Variants in PTPRD observed in about 807,000 individuals in gnomAD.
PTPRD encodes the protein receptor-type tyrosine-protein phosphatase delta.
In PTPRD, 34 loss-of-function variants were observed where a neutral mutation model predicts 214.5. The observed-to-expected ratio is 0.16, with a 90% CI of 0.12 to 0.21. The LOEUF (loss-of-function observed/expected upper bound fraction) is 0.21, where lower values mean the gene tolerates loss of function less well. Ranked by LOEUF, PTPRD falls within the 10% of genes least tolerant of loss-of-function variation. The pLI, the probability that PTPRD is intolerant of heterozygous loss-of-function variation, is 1.00. For synonymous variants in PTPRD, 1,128 were observed against 845.7 expected (o/e 1.33, Z -5.79); for missense variants, 2,545 against 2,398.7 (o/e 1.06, Z -1.27).
chr9:10,612,930 G>T lies in PTPRD; in HGVS notation c.-950C>A, dbSNP rs148992296. 6.6e-6 allele frequency among the ~76,000 whole-genome samples: 1 copy of T among 151,568 alleles called. No individual in the cohort carries two copies. The highest frequency in any genetic ancestry group is 1.5e-5 in the Non-Finnish European group (1 of 67,852). On this transcript the variant is annotated 5_prime_UTR_variant, in exon 1 of 46. Coordinates refer to ENST00000381196, the MANE Select transcript of PTPRD (RefSeq NM_002839.4). ...CCGCCGGCTGCGGGCGCGGCTGGGC[G>T]GGGAGCCGAGGCGGCCGCTCCCGCA... is the stretch of plus-strand genomic sequence containing the variant.
chr9:9,775,954 C>CAAAAAAAAA (rs59412193), intron 5 of PTPRD, among the ~76,000 whole-genome samples: 7 of 28,922 alleles, frequency 2.4e-4, no homozygotes, highest in African/African-American at 5.8e-4. Flanking sequence ...GACTCTGTCT[C>CAAAAAAAAA]AAAAAAAAAA....
In PTPRD at chr9:8,341,280, GAAAA is replaced by G; in HGVS notation, c.4948-16_4948-13del. On this transcript the variant is annotated splice_polypyrimidine_tract_variant and intron_variant, in intron 40 of 45. Transcript: ENST00000381196. ...GAGCTGGCTAGACGCTGTTGAATAG[GAAAA>G]AAAAAAAAGGAAAAACCCAACAAAG... 6 of 1,208,324 alleles carry G rather than the reference GAAAA, an allele frequency of 5.0e-6. No homozygotes were observed. Among genetic ancestry groups the G allele is most frequent in the South Asian group, 3.2e-5 (2 of 62,958 alleles). 74.9% of individuals were successfully genotyped at this position (1,208,324 alleles called of 1,614,324 possible).
At chr9:9,900,641 G>GTGTTTTTTTTTTTTTT (rs1555302232) in intron 5 of PTPRD, among the ~76,000 whole-genome samples, 15 of 120,082 alleles carry the variant, frequency 1.2e-4, no homozygotes, top group African/African-American at 4.4e-4. Context: ...ACATTTTCAG[G>GTGTTTTTTTTTTTTTT]TTTTTTTTTT....
At chr9:9,543,811 A>C (rs1195951943) in intron 8 of PTPRD, among the ~76,000 whole-genome samples, 1 of 151,700 alleles carries the variant, frequency 6.6e-6, no homozygotes, top group Non-Finnish European at 1.5e-5. Context: ...AAAGGTTATT[A>C]AAACATGAAA....
At chr9:9,810,935 G>C (rs574334932) in intron 5 of PTPRD, among the ~76,000 whole-genome samples, 6 of 151,784 alleles carry the variant, frequency 4.0e-5, no homozygotes, top group African/African-American at 1.4e-4. Context: ...AGTCAAAATA[G>C]CAACATTAAA....
chr9:9,548,774 A>G (rs2079470331), intron 8 of PTPRD, among the ~76,000 whole-genome samples: 3 of 152,288 alleles, frequency 2.0e-5, no homozygotes, highest in African/African-American at 4.8e-5. Flanking sequence ...ATAAAAGAGC[A>G]TATTTTATAA....
intron 2 of PTPRD, among the ~76,000 whole-genome samples, chr9:10,348,931 G>C (rs2097135770): frequency 6.6e-6 from 1 of 151,956 alleles, no homozygotes; most frequent in Admixed American, 6.6e-5. Flanking sequence ...TTACCTTCAA[G>C]CTTATCTGTC....
chr9:9,961,260 C>A (rs2154024211), intron 4 of PTPRD, among the ~76,000 whole-genome samples: 1 of 152,206 alleles, frequency 6.6e-6, no homozygotes, highest in South Asian at 2.1e-4. Flanking sequence ...CCTATCAAAA[C>A]CTGGAATTGG....
At chr9:8,674,713 C>T (rs759554634) in intron 12 of PTPRD, among the ~76,000 whole-genome samples, 36 of 152,130 alleles carry the variant, frequency 2.4e-4, no homozygotes, top group Non-Finnish European at 3.4e-4. Context: ...AAATGTTTGG[C>T]TCCCCTGGGC....
intron 3 of PTPRD, among the ~76,000 whole-genome samples, chr9:10,227,489 G>A (rs1299952202): frequency 2.0e-5 from 3 of 151,926 alleles, no homozygotes; most frequent in African/African-American, 4.8e-5. Flanking sequence ...CAGTCTCTCT[G>A]TGGTTCAGCT....
At chr9:8,556,441 T>C (rs1160314190) in intron 14 of PTPRD, among the ~76,000 whole-genome samples, 7 of 152,182 alleles carry the variant, frequency 4.6e-5, no homozygotes, top group Non-Finnish European at 8.8e-5. Flanking sequence ...TTCTAATGCT[T>C]GGAAATGGCT....
At chr9:10,332,099 C>T (rs1597319947) in intron 3 of PTPRD, among the ~76,000 whole-genome samples, 1 of 151,820 alleles carries the variant, frequency 6.6e-6, no homozygotes, top group East Asian at 1.9e-4. Flanking sequence ...AATCAGGGCA[C>T]ATCATATACT....
chr9:9,401,243 G>A (rs954554131), intron 8 of PTPRD, among the ~76,000 whole-genome samples: 7 of 151,886 alleles, frequency 4.6e-5, no homozygotes, highest in African/African-American at 1.7e-4. Context: ...ATACATACAT[G>A]CATACATAAT....
At chr9:9,651,833 T>TG (rs2096364101) in intron 7 of PTPRD, among the ~76,000 whole-genome samples, 4 of 129,050 alleles carry the variant, frequency 3.1e-5, no homozygotes, top group East Asian at 4.4e-4. Context: ...TTTGTTTTTT[T>TG]TTTTTTTTTT....
chr9:9,904,469 T>G (rs2077093446), intron 5 of PTPRD, among the ~76,000 whole-genome samples: 1 of 152,110 alleles, frequency 6.6e-6, no homozygotes, highest in South Asian at 2.1e-4. Context: ...TTTGTTATTC[T>G]GAATCCTCAA....
intron 3 of PTPRD, among the ~76,000 whole-genome samples, chr9:10,215,432 G>T (rs2099536775): frequency 6.6e-6 from 1 of 152,004 alleles, no homozygotes; most frequent in Non-Finnish European, 1.5e-5. Flanking sequence ...AGATATCAGG[G>T]GAATGTAAAT....
At chr9:9,427,400 A>C (rs1221664910) in intron 8 of PTPRD, among the ~76,000 whole-genome samples, 1 of 152,238 alleles carries the variant, frequency 6.6e-6, no homozygotes, top group Non-Finnish European at 1.5e-5. Context: ...CCTCCAAGAA[A>C]TATGGGACTA....
chr9:8,954,451 T>C (rs996986009), intron 11 of PTPRD, among the ~76,000 whole-genome samples: 1 of 151,748 alleles, frequency 6.6e-6, no homozygotes, highest in Non-Finnish European at 1.5e-5. Flanking sequence ...TCACAAAATA[T>C]ACCTTTGTAA....
Position 8,315,208 on chromosome 9 carries a change from A to G in PTPRD, c.*2666T>C, listed in dbSNP as rs148044036. The G allele has an allele frequency of 2.5e-3, 586 of 232,780 alleles. 3 individuals are homozygous for G. Among genetic ancestry groups the G allele is most frequent in the African/African-American group, 0.012 (529 of 45,380 alleles). The allele number at this position is 232,780 out of a possible 1,614,324, so 14.4% of individuals were successfully genotyped here. A position where few individuals can be genotyped will look rare whatever the true frequency, so the allele number is the denominator to read the frequency against. On this transcript the variant is annotated 3_prime_UTR_variant, in exon 46 of 46. Transcript: ENST00000381196. ...GCACATCAATGACAGTAAGGGAGTT[A>G]GTTCTAGGAACAGCTCCTGAACAGT...
Sources: gnomAD v4.1 joint callset for allele counts (sites outside exome capture counted in the v4.1 genomes callset) on GRCh38, gnomAD v4.1.1 for gene constraint, MANE v1.5 for transcripts, NCBI Gene and HGNC (gene_info 2026-07-23, HGNC 2026-07-21) for gene names.